Variants in DNAH8 observed in about 807,000 individuals in gnomAD.
DNAH8 encodes the protein dynein axonemal heavy chain 8.
In DNAH8, 382 loss-of-function variants were observed where a neutral mutation model predicts 562.1. That is an observed-to-expected ratio of 0.68 (90% CI 0.63 to 0.74). The LOEUF is 0.74. DNAH8 is among the 30% of genes least tolerant of loss of function. The probability of loss-of-function intolerance (pLI) is 0.00; values close to 1 mark genes in which losing one functional copy is unlikely to be tolerated. For synonymous variants in DNAH8, 1,881 were observed against 1,919.4 expected (o/e 0.98, Z 0.52); for missense variants, 5,203 against 5,620.4 (o/e 0.93, Z 2.37).
chr6:38,961,370 A>C (rs1762593875), intron 82 of DNAH8, among the ~76,000 whole-genome samples: 1 of 152,060 alleles, frequency 6.6e-6, no homozygotes, highest in South Asian at 2.1e-4. Flanking sequence ...ATCATTACAC[A>C]ATGTATACAT....
At chr6:39,024,733 C>CA (rs1420790334) in intron 91 of DNAH8, among the ~76,000 whole-genome samples, 1 of 152,222 alleles carries the variant, frequency 6.6e-6, no homozygotes, top group Non-Finnish European at 1.5e-5. Context: ...ACACAGAGCA[C>CA]AGGCATTGAC....
intron 11 of DNAH8, chr6:38,762,994 A>G: frequency 5.1e-6 from 2 of 392,144 alleles, no homozygotes; most frequent in Admixed American, 3.2e-5. Context: ...CAGTTCTTGG[A>G]CTTAGCCATG....
At chr6:38,868,358 C>A (rs1209969234) in intron 48 of DNAH8, among the ~76,000 whole-genome samples, 162 bp downstream of exon 48, 4 of 152,098 alleles carry the variant, frequency 2.6e-5, no homozygotes, top group Admixed American at 2.0e-4. Flanking sequence ...AGCAAAAGAC[C>A]CCATGACCTG....
At chr6:39,026,155 A>G (rs1484516076) in intron 91 of DNAH8, among the ~76,000 whole-genome samples, 2 of 152,228 alleles carry the variant, frequency 1.3e-5, no homozygotes, top group African/African-American at 4.8e-5. Context: ...ATTCAAGGCT[A>G]ATTGGAATGC....
Position 38,982,452 on chromosome 6 carries a change from A to T in DNAH8, c.12941A>T (p.Asp4314Val), listed in dbSNP as rs1422712718. ...QFIQNHLDEC[D>V]IKKGVSWNTV... ...ATTCAGAATCACCTTGATGAATGCGATATTAAGAAAGTGAGTGAAATTATG... is the reference window on the plus strand; with the variant it reads ...ATTCAGAATCACCTTGATGAATGCGTTATTAAGAAAGTGAGTGAAATTATG... The change falls in exon 86 of 93, where the codon GAT (aspartate) becomes GTT (valine). Residue 4314 changes from aspartate to valine, a missense_variant. Physicochemically the swap from Asp to Val is radical, Grantham distance 152 (BLOSUM62 -3). This residue lies in a region of DNAH8 where 1,399 missense variants were observed against 1,518.4 expected (regional missense o/e 0.92). Transcript: ENST00000327475. 4 of 1,502,136 alleles carry T rather than the reference A, an allele frequency of 2.7e-6. No homozygotes were observed. Among genetic ancestry groups the T allele is most frequent in the Non-Finnish European group, 3.7e-6 (4 of 1,078,914 alleles). 93.1% of individuals were successfully genotyped at this position (1,502,136 alleles called of 1,614,324 possible).
intron 21 of DNAH8, among the ~76,000 whole-genome samples, chr6:38,797,208 A>AT (rs1393521791): frequency 1.2e-4 from 18 of 152,152 alleles, no homozygotes; most frequent in African/African-American, 4.1e-4. Flanking sequence ...AGCCTAGCCA[A>AT]CATGGCAAAG....
At chr6:38,854,670 C>G (rs1776041472) in intron 41 of DNAH8, among the ~76,000 whole-genome samples, 1 of 151,902 alleles carries the variant, frequency 6.6e-6, no homozygotes, top group Non-Finnish European at 1.5e-5. Context: ...TATTTTCTTT[C>G]TCCAGACCCT....
chr6:38,991,928 G>C (rs965178885), intron 88 of DNAH8, among the ~76,000 whole-genome samples: 1 of 151,378 alleles, frequency 6.6e-6, no homozygotes. Flanking sequence ...CTCCTGACCT[G>C]CTCTTCTCTA....
At chr6:38,786,716 G>A (rs1769188725) in intron 17 of DNAH8, 49 bp from the exon 18 acceptor site, 2 of 1,567,568 alleles carry the variant, frequency 1.3e-6, no homozygotes, top group East Asian at 4.5e-5. Flanking sequence ...ACAGCTGGAA[G>A]CAGAAAGGAA....
intron 57 of DNAH8, among the ~76,000 whole-genome samples, chr6:38,889,465 G>A (rs1048446065): frequency 6.6e-6 from 1 of 152,168 alleles, no homozygotes; most frequent in African/African-American, 2.4e-5. Context: ...CTAATGTGCT[G>A]GGCAAGGTTG....
At chr6:38,989,912 C>A in intron 87 of DNAH8, 100 bp from the exon 88 acceptor site, 1 of 650,778 alleles carries the variant, frequency 1.5e-6, no homozygotes, top group Non-Finnish European at 2.7e-6. Context: ...ATATTAAAAA[C>A]TCTGTTAAAA....
chr6:38,828,485 A>T (rs938601809), intron 30 of DNAH8, among the ~76,000 whole-genome samples, 197 bp downstream of exon 30: 1 of 152,194 alleles, frequency 6.6e-6, no homozygotes, highest in African/African-American at 2.4e-5. Context: ...CTATATTTAG[A>T]TACACAAATG....
At chr6:38,715,527 T>A (rs1380599390) in intron 1 of DNAH8, 112 bp downstream of exon 1, 1 of 152,284 alleles carries the variant, frequency 6.6e-6, no homozygotes, top group East Asian at 1.9e-4. Context: ...GAATCCACGC[T>A]ACAGTTCAGT....
At position 38,868,213 on chromosome 6, in the gene DNAH8, C is replaced by T. The variant is rs200114190; in HGVS notation, c.6828+17C>T. On this transcript the variant is annotated intron_variant, in intron 48 of 92. Coordinates refer to ENST00000327475, the MANE Select transcript of DNAH8 (RefSeq NM_001206927.2). The stretch of plus-strand genomic sequence containing the variant: ...TCCAAACTGGTATCTTCTCTGAATT[C>T]TCTTCTTTTCCACAATTTTAATATT... 1 of 1,589,824 alleles carries T rather than the reference C, an allele frequency of 6.3e-7. No individual in the cohort carries two copies. Among genetic ancestry groups the T allele is most frequent in the East Asian group, 2.2e-5 (1 of 44,612 alleles).
chr6:38,750,080 C>T (rs1765305302), intron 8 of DNAH8, among the ~76,000 whole-genome samples: 5 of 152,232 alleles, frequency 3.3e-5, no homozygotes, highest in Admixed American at 3.3e-4. Flanking sequence ...GATCCGCCCA[C>T]CTTGGCTTCC....
intron 58 of DNAH8, 142 bp downstream of exon 58, chr6:38,890,903 A>G (rs1250204490): frequency 1.6e-6 from 1 of 615,908 alleles, no homozygotes; most frequent in Non-Finnish European, 2.9e-6. Flanking sequence ...AAATAGATTT[A>G]CAACACCTTT....
Position 38,864,029 on chromosome 6 carries a change from T to G in DNAH8, c.6467T>G (p.Leu2156Ter). The G allele has an allele frequency of 6.2e-7, 1 of 1,608,038 alleles. No individual in the cohort carries two copies. The highest frequency in any genetic ancestry group is 8.5e-7 in the Non-Finnish European group (1 of 1,178,742). ...TTTTCTGATGGTGATTGTGTTGATT[T>G]AAATCCAGAATTTGGAATCTTCTTA... Reference protein sequence around the residue: ...FIFSDGDCVDLNPEFGIFLTM... With the variant: ...FIFSDGDCVD The change falls in exon 45 of 93, where the codon TTA (leucine) becomes TGA (stop). Residue 2156 changes from leucine to a stop codon, truncating the protein, a stop_gained. Transcript: ENST00000327475. LOFTEE classifies it high-confidence loss of function.
intron 55 of DNAH8, 117 bp from the exon 56 acceptor site, chr6:38,883,759 A>G: frequency 1.2e-6 from 1 of 806,506 alleles, no homozygotes; most frequent in South Asian, 3.4e-5. Context: ...TAATAATTAT[A>G]TGTATACTTA....
intron 42 of DNAH8, 28 bp downstream of exon 42, chr6:38,857,770 G>A: frequency 2.2e-6 from 3 of 1,387,716 alleles, no homozygotes; most frequent in Middle Eastern, 1.9e-4. Context: ...TTAATTTAGT[G>A]TACTAACTAA....
Sources: allele counts gnomAD v4.1 joint callset (sites outside exome capture counted in the v4.1 genomes callset), GRCh38; gene constraint gnomAD v4.1.1; regional missense constraint gnomAD v4.1.1; transcripts MANE v1.5; gene names NCBI Gene and HGNC (gene_info 2026-07-23, HGNC 2026-07-21).